The following NAALADL2 variants were observed in gnomAD, a reference collection of about 807,000 sequenced individuals.
NAALADL2 encodes inactive N-acetylated-alpha-linked acidic dipeptidase-like protein 2.
NAALADL2 carries 76 observed loss-of-function variants against 87.2 expected under a neutral mutation model. The ratio of observed to expected loss-of-function variants is 0.87; its 90% CI spans 0.72 to 1.05. NAALADL2 has a LOEUF of 1.05. Among genes scored for constraint, NAALADL2 ranks in the 50% least tolerant of loss-of-function variants. NAALADL2 has a pLI of 0.00. For synonymous variants in NAALADL2, 354 were observed against 331.0 expected, an observed-to-expected ratio of 1.07 and a Z score of -0.75; for missense variants, 1,089 against 945.8, an observed-to-expected ratio of 1.15 and a Z score of -1.99.
At chr3:175,075,746 A>T (rs13318162) in intron 1 of NAALADL2, among the ~76,000 whole-genome samples, 1,785 of 152,296 alleles carry the variant, frequency 0.012, 47 homozygotes, top group African/African-American at 0.041. Context: ...CAGAATAATA[A>T]CCAAGTTAAT....
rs1267018223 is a variant in NAALADL2 at position 174,727,259 on chromosome 3, CCTG to C, written c.-114-10381_-114-10379del. ...TCACCTGCATATGAAGTAATGGAAG[CCTG>C]AATTGAATTCCACTTTCTAAAAAAA... On this transcript the variant is annotated intron_variant, in intron 2 of 3. Coordinates refer to the NAALADL2 transcript ENST00000434257. Among the ~76,000 whole-genome samples, 16 of 44,182 alleles carry C rather than the reference CCTG, an allele frequency of 3.6e-4. No homozygotes were observed. In the East Asian group the frequency reaches 5.5e-3, roughly 15 times the overall value. 29.0% of individuals were successfully genotyped at this position (44,182 alleles called of 152,430 possible). A position where few individuals can be genotyped will look rare whatever the true frequency, so the allele number is the denominator to read the frequency against.
At chr3:175,442,787 C>T (rs1720027100) in intron 5 of NAALADL2, among the ~76,000 whole-genome samples, 1 of 152,098 alleles carries the variant, frequency 6.6e-6, no homozygotes, top group South Asian at 2.1e-4. Context: ...AGTTGGTCCC[C>T]CTCAGTCTTT....
intron 12 of NAALADL2, 21 bp from the exon 13 acceptor site, chr3:175,755,199 G>C: frequency 6.3e-7 from 1 of 1,594,702 alleles, no homozygotes. Context: ...CTTCTGAGAT[G>C]GGCTCATTTA....
At chr3:175,765,908 C>A (rs575255118) in intron 13 of NAALADL2, among the ~76,000 whole-genome samples, 1 of 152,052 alleles carries the variant, frequency 6.6e-6, no homozygotes, top group Non-Finnish European at 1.5e-5. Context: ...AGTTAACATG[C>A]GGCAGAAATG....
chr3:175,489,723 G>C (rs1365801091), intron 9 of NAALADL2, among the ~76,000 whole-genome samples: 1 of 152,128 alleles, frequency 6.6e-6, no homozygotes, highest in Admixed American at 6.6e-5. Flanking sequence ...AATTTGTTGA[G>C]TGAAAACAAT....
intron 2 of NAALADL2, among the ~76,000 whole-genome samples, chr3:175,150,069 C>T (rs1731321142): frequency 6.6e-6 from 1 of 152,166 alleles, no homozygotes; most frequent in Non-Finnish European, 1.5e-5. Context: ...TCATTTTATA[C>T]TTCCCTGGCA....
chr3:174,974,646 T>G (rs1744122088), intron 1 of NAALADL2, among the ~76,000 whole-genome samples: 1 of 152,154 alleles, frequency 6.6e-6, no homozygotes, highest in African/African-American at 2.4e-5. Context: ...GAATTTAAAT[T>G]ATAGTAACAG....
At chr3:175,092,173 G>C (rs1167082819) in intron 1 of NAALADL2, among the ~76,000 whole-genome samples, 2 of 150,204 alleles carry the variant, frequency 1.3e-5, no homozygotes, top group African/African-American at 5.0e-5. Flanking sequence ...ATTTCTGTTT[G>C]ACAAATGTGA....
intron 3 of NAALADL2, among the ~76,000 whole-genome samples, chr3:174,839,018 A>C (rs534379312): frequency 2.6e-5 from 4 of 152,190 alleles, no homozygotes; most frequent in Admixed American, 2.6e-4. Flanking sequence ...AAGGAACCAA[A>C]AGAGAGCCCG....
chr3:175,805,888 G>T lies in NAALADL2; in HGVS notation c.*2685G>T, dbSNP rs16826252. The T allele has an allele frequency of 5.9e-5, 9 of 151,860 alleles. No individual in the cohort carries two copies. The highest frequency in any genetic ancestry group is 1.3e-4 in the Non-Finnish European group (9 of 67,890). The allele number at this position is 151,860 out of a possible 1,614,324, so 9.4% of individuals were successfully genotyped here. On this transcript the variant is annotated 3_prime_UTR_variant, in exon 14 of 14. Transcript: ENST00000454872. ...CAAAAGAAAGCCTAATAAAGATTCTGGTCTAAGCCCTGAGATCTTGCCTTC... is the reference window on the plus strand; with the variant it reads ...CAAAAGAAAGCCTAATAAAGATTCTTGTCTAAGCCCTGAGATCTTGCCTTC...
Position 175,385,762 on chromosome 3 carries a change from AAAAC to A in NAALADL2, c.1090+61445_1090+61448del, listed in dbSNP as rs540268054. Reference sequence around the variant, plus strand: ...ATGTACATCTAATATGTATCAATGAAAAACAAACAAATAAAGATTTAAAAAATCC... The same window carrying A: ...ATGTACATCTAATATGTATCAATGAAAAACAAATAAAGATTTAAAAAATCC... On this transcript the variant is annotated intron_variant, in intron 5 of 13. Coordinates refer to ENST00000454872, the MANE Select transcript of NAALADL2 (RefSeq NM_207015.3). Among the ~76,000 whole-genome samples the A allele has an allele frequency of 1.5e-4, 23 of 152,234 alleles. No homozygotes were observed. In the South Asian group the frequency reaches 2.5e-3, roughly 16 times the overall value.
intron 4 of NAALADL2, among the ~76,000 whole-genome samples, chr3:175,293,434 G>A (rs945165996): frequency 7.9e-5 from 12 of 152,152 alleles, no homozygotes; most frequent in Non-Finnish European, 1.3e-4. Flanking sequence ...GGAAAAAAAA[G>A]ATGGGCAAAC....
rs1204577132 is a variant in NAALADL2, at chr3:175,455,439, A to C, written c.1235-7962A>C. ...GAAGTGTTTGGTAGACAGATGAGAA[A>C]AAATTGTCAATTTTTACATTTCTGA... On this transcript the variant is annotated intron_variant, in intron 6 of 13. Transcript: ENST00000454872. 2.6e-5 allele frequency among the ~76,000 whole-genome samples: 4 copies of C among 152,096 alleles called. No homozygotes were observed. In the East Asian group the frequency reaches 7.7e-4, roughly 29 times the overall value.
intron 2 of NAALADL2, among the ~76,000 whole-genome samples, chr3:175,205,849 C>T (rs1324602727): frequency 6.6e-6 from 1 of 151,586 alleles, no homozygotes; most frequent in Non-Finnish European, 1.5e-5. Flanking sequence ...TGAAAAAATG[C>T]CCAACATCAC....
At chr3:174,942,939 T>G (rs571484335) in intron 1 of NAALADL2, among the ~76,000 whole-genome samples, 1 of 152,328 alleles carries the variant, frequency 6.6e-6, no homozygotes, top group East Asian at 1.9e-4. Flanking sequence ...CTGCATCACT[T>G]TATTGTGATT....
intron 2 of NAALADL2, among the ~76,000 whole-genome samples, chr3:174,699,117 C>T (rs1041178221): frequency 9.2e-5 from 14 of 152,142 alleles, no homozygotes; most frequent in African/African-American, 3.1e-4. Flanking sequence ...TTTAGTACTC[C>T]ATAAATTCTG....
At chr3:174,790,761 A>T (rs1717370414) in intron 3 of NAALADL2, among the ~76,000 whole-genome samples, 1 of 152,214 alleles carries the variant, frequency 6.6e-6, no homozygotes, top group Non-Finnish European at 1.5e-5. Context: ...AATCATTAAC[A>T]TACCAATACA....
At chr3:175,312,982 C>G (rs538005487) in intron 4 of NAALADL2, among the ~76,000 whole-genome samples, 1 of 152,106 alleles carries the variant, frequency 6.6e-6, no homozygotes, top group Non-Finnish European at 1.5e-5. Flanking sequence ...ATAGACTGGG[C>G]GGCTTAAACT....
chr3:175,501,321 C>T (rs1359711173), intron 9 of NAALADL2, among the ~76,000 whole-genome samples: 1 of 152,024 alleles, frequency 6.6e-6, no homozygotes, highest in Admixed American at 6.6e-5. Flanking sequence ...AGGTAGGTTC[C>T]ATATATGTGG....
Sources: allele counts gnomAD v4.1 joint callset (sites outside exome capture counted in the v4.1 genomes callset), GRCh38; gene constraint gnomAD v4.1.1; transcripts MANE v1.5; gene names NCBI Gene and HGNC (gene_info 2026-07-23, HGNC 2026-07-21).